Variants in VSIG10L2 observed in about 807,000 individuals in gnomAD.
The protein encoded by VSIG10L2 is V-set and immunoglobulin domain-containing protein 10-like 2.
In VSIG10L2, 56 loss-of-function variants were observed where a neutral mutation model predicts 67.1. The observed-to-expected ratio is 0.83, with a 90% CI of 0.67 to 1.04. The LOEUF is 1.04. Among genes scored for constraint, VSIG10L2 ranks in the 50% least tolerant of loss-of-function variants. The pLI is 0.00. For synonymous variants in VSIG10L2, 360 were observed against 396.6 expected (o/e 0.91, Z 1.10); for missense variants, 843 against 932.8 (o/e 0.90, Z 1.25).
chr11:125,950,025 A>C lies in VSIG10L2; in HGVS notation c.721A>C (p.Lys241Gln). Residue 241 changes from lysine (K) to glutamine (Q), a missense_variant, in exon 4 of 12, where the codon AAG becomes CAG. Around this residue, in one of 2 missense-constraint regions of VSIG10L2, gnomAD observed 446 missense variants for 548.4 expected, o/e 0.81. Transcript: ENST00000686984. Reference sequence around the variant, plus strand: ...TCCTTGCTCTCCAGATGGTCCTGACAAGCCTGTGATCACCATGGAGCCGCT... The same window carrying C: ...TCCTTGCTCTCCAGATGGTCCTGACCAGCCTGTGATCACCATGGAGCCGCT... ...AFLDVIYGPDKPVITMEPLGL... is the reference protein window; with the variant it reads ...AFLDVIYGPDQPVITMEPLGL... 8.1e-7 allele frequency: 1 copy of C among 1,232,336 alleles called. No homozygotes were observed. The highest frequency in any genetic ancestry group is 4.1e-5 in the South Asian group (1 of 24,308). 76.3% of individuals were successfully genotyped at this position (1,232,336 alleles called of 1,614,324 possible).
chr11:125,951,558 CCT>C (rs1299238749), intron 5 of VSIG10L2, among the ~76,000 whole-genome samples: 1 of 152,252 alleles, frequency 6.6e-6, no homozygotes, highest in Non-Finnish European at 1.5e-5. Context: ...GTCATCCTGT[CCT>C]CTTTCCGGAA....
At chr11:125,955,032 T>C (rs1353098712) in intron 8 of VSIG10L2, 25 bp from the exon 9 acceptor site, 22 of 1,233,508 alleles carry the variant, frequency 1.8e-5, no homozygotes, top group Non-Finnish European at 2.2e-5. Context: ...CTCTAAACCA[T>C]GGAACCTGTG....
rs542019925 is a variant in VSIG10L2, at chr11:125,953,692, T to C, written c.1786+2T>C. The C allele has an allele frequency of 2.4e-6, 3 of 1,231,704 alleles. No homozygotes were observed. In the South Asian group the frequency reaches 1.2e-4, roughly 51 times the overall value. The allele number at this position is 1,231,704 out of a possible 1,614,324, so 76.3% of individuals were successfully genotyped here. On this transcript the variant is annotated splice_donor_variant, in intron 7 of 11. Transcript: ENST00000686984. LOFTEE classifies it high-confidence loss of function. Reference sequence around the variant, plus strand: ...AGAGTGTGCTGCTGGAGGTCCTGAGTGAGTGAGGGGTTGAATGCGTGTGTG... The same window carrying C: ...AGAGTGTGCTGCTGGAGGTCCTGAGCGAGTGAGGGGTTGAATGCGTGTGTG...
At chr11:125,953,359 A>C in intron 6 of VSIG10L2, 41 bp from the exon 7 acceptor site, 1 of 1,231,496 alleles carries the variant, frequency 8.1e-7, no homozygotes. Context: ...CTTGTCCCCA[A>C]GCCCTCCCAC....
Position 125,955,968 on chromosome 11 carries a change from A to G in VSIG10L2, c.*54A>G. ...TAGGGAGGGCAGGTGGGATTTGGGA[A>G]GAGCCCTTCTGTCAGACTTTGGTCA... On this transcript the variant is annotated 3_prime_UTR_variant, in exon 12 of 12. Coordinates refer to ENST00000686984, the MANE Select transcript of VSIG10L2 (RefSeq NM_001365077.2). 1.6e-6 allele frequency: 1 copy of G among 638,862 alleles called. No homozygotes were observed. The highest frequency in any genetic ancestry group is 2.8e-6 in the Non-Finnish European group (1 of 356,456). 39.6% of individuals were successfully genotyped at this position (638,862 alleles called of 1,614,324 possible). A position where few individuals can be genotyped will look rare whatever the true frequency, so the allele number is the denominator to read the frequency against.
At chr11:125,954,932 A>G in intron 8 of VSIG10L2, 125 bp from the exon 9 acceptor site, 1 of 1,012,290 alleles carries the variant, frequency 9.9e-7, no homozygotes, top group Non-Finnish European at 1.3e-6. Context: ...TCCCCATGTC[A>G]GCTGCAGGGG....
At position 125,953,432 on chromosome 11, in the gene VSIG10L2, G is replaced by A. The variant is rs564492084; in HGVS notation, c.1528G>A (p.Val510Met). Reference sequence around the variant, plus strand: ...ACAGCTGGACGTGGCTGAGCCCCGCGTGTCAGTGTTGGAGGGGGGAGAGGC... The same window carrying A: ...ACAGCTGGACGTGGCTGAGCCCCGCATGTCAGTGTTGGAGGGGGGAGAGGC... ...APQLDVAEPR[V>M]SVLEGGEAWL... Residue 510 changes from valine (V) to methionine (M), a missense_variant, in exon 7 of 12, where the codon GTG (valine) becomes ATG (methionine). Transcript: ENST00000686984. 6.3e-5 allele frequency: 78 copies of A among 1,232,410 alleles called. No individual in the cohort carries two copies. The highest frequency in any genetic ancestry group is 4.1e-4 in the South Asian group (10 of 24,326). 76.3% of individuals were successfully genotyped at this position (1,232,410 alleles called of 1,614,324 possible). A position where few individuals can be genotyped will look rare whatever the true frequency, so the allele number is the denominator to read the frequency against.
chr11:125,947,210 A>C (rs1476300311), intron 1 of VSIG10L2, among the ~76,000 whole-genome samples: 1 of 152,084 alleles, frequency 6.6e-6, no homozygotes, highest in Non-Finnish European at 1.5e-5. Flanking sequence ...GAATCCTTAC[A>C]CAGGAACTCC....
rs1441957159 is a variant in VSIG10L2, at chr11:125,951,669, T to C, written c.1235-144T>C. 5 of 807,798 alleles carry C rather than the reference T, an allele frequency of 6.2e-6. No homozygotes were observed. The African/African-American group carries it at 8.7e-5, about 14-fold the overall frequency. 50.0% of individuals were successfully genotyped at this position (807,798 alleles called of 1,614,324 possible). A position where few individuals can be genotyped will look rare whatever the true frequency, so the allele number is the denominator to read the frequency against. On this transcript the variant is annotated intron_variant, in intron 5 of 11. Coordinates refer to ENST00000686984, the MANE Select transcript of VSIG10L2 (RefSeq NM_001365077.2). The stretch of plus-strand genomic sequence containing the variant: ...CACCATTTCCCTGGCACATGATCAA[T>C]AAATGATGAGTGTGTGAATGAGTGA...
intron 5 of VSIG10L2, among the ~76,000 whole-genome samples, chr11:125,951,446 T>C (rs540649053): frequency 1.9e-3 from 291 of 152,346 alleles, no homozygotes; most frequent in Non-Finnish European, 3.6e-3. Context: ...ACTGCACTTC[T>C]ACCGCTCTGA....
At chr11:125,951,301 G>A (rs1472319278) in intron 5 of VSIG10L2, 143 bp downstream of exon 5, 21 of 739,916 alleles carry the variant, frequency 2.8e-5, no homozygotes, top group Middle Eastern at 8.8e-4. Flanking sequence ...GGAGGTGGGC[G>A]GCACTCAGCT....
In VSIG10L2 at chr11:125,952,023, G is replaced by C; in HGVS notation, c.1445G>C (p.Arg482Pro). The change falls in exon 6 of 12, where the codon CGG becomes CCG. Residue 482 changes from arginine to proline, a missense_variant. Arg to Pro is a moderately radical substitution (Grantham distance 103, BLOSUM62 -2). This residue lies in a region of VSIG10L2 where 397 missense variants were observed against 384.4 expected (regional missense o/e 1.03). Coordinates refer to ENST00000686984, the MANE Select transcript of VSIG10L2 (RefSeq NM_001365077.2). ...EDLAGREFTC[R>P]GTHLLRTPDP... ...CTGGCTGGCAGAGAGTTCACCTGCC[G>C]GGGCACTCACCTGCTCAGGACCCCT... is the stretch of plus-strand genomic sequence containing the variant. 6.5e-7 allele frequency: 1 copy of C among 1,536,050 alleles called. No homozygotes were observed. Among genetic ancestry groups the C allele is most frequent in the Non-Finnish European group, 8.7e-7 (1 of 1,146,834 alleles).
chr11:125,953,506 C>T lies in VSIG10L2; in HGVS notation c.1602C>T (p.Leu534=), dbSNP rs1591531095. ...GGGGCACACCACCTGCCCAGCTCCT[C>T]TGGCTGGGGCCTCAACAACAAAAAG... ...LRGGTPPAQL[L]WLGPQQQKVD... is the part of the protein sequence containing the mutation. The change falls in exon 7 of 12, where the codon CTC becomes CTT. Residue 534 remains leucine (L), a synonymous_variant. Coordinates refer to ENST00000686984, the MANE Select transcript of VSIG10L2 (RefSeq NM_001365077.2). 8.1e-7 allele frequency: 1 copy of T among 1,232,174 alleles called. No individual in the cohort carries two copies. The highest frequency in any genetic ancestry group is 4.2e-5 in the Admixed American group (1 of 23,704). The allele number at this position is 1,232,174 out of a possible 1,614,324, so 76.3% of individuals were successfully genotyped here.
chr11:125,954,301 G>A lies in VSIG10L2; in HGVS notation c.2001G>A (p.Leu667=). Residue 667 remains leucine, a synonymous_variant, in exon 8 of 12, where the codon TTG becomes TTA. Transcript: ENST00000686984. ...PESRGRRLGG[L]DPGVLYAFRI... ...GCCGAGGACGGCGGCTGGGGGGCTTGGACCCCGGGGTCCTTTATGCCTTCC... is the reference window on the plus strand; with the variant it reads ...GCCGAGGACGGCGGCTGGGGGGCTTAGACCCCGGGGTCCTTTATGCCTTCC... 1 of 1,232,218 alleles carries A rather than the reference G, an allele frequency of 8.1e-7. No individual in the cohort carries two copies. Among genetic ancestry groups the A allele is most frequent in the Non-Finnish European group, 1.0e-6 (1 of 988,056 alleles). 76.3% of individuals were successfully genotyped at this position (1,232,218 alleles called of 1,614,324 possible).
rs1283762172 is a variant in VSIG10L2 at position 125,955,643 on chromosome 11, A to G, written c.2260A>G (p.Arg754Gly). The G allele has an allele frequency of 6.5e-7, 1 of 1,532,252 alleles. No individual in the cohort carries two copies. Among genetic ancestry groups the G allele is most frequent in the Admixed American group, 2.0e-5 (1 of 50,890 alleles). 94.9% of individuals were successfully genotyped at this position (1,532,252 alleles called of 1,614,324 possible). ...GCAAAGGCACCAACAGAGGGGTTCC[A>G]GAGAAGATGCTGAGGCACCGGCAGG... ...TEQRHQQRGS[R>G]EDAEAPAGLE... is the part of the protein sequence containing the mutation. The change falls in exon 11 of 12, where the codon AGA (arginine) becomes GGA (glycine). Residue 754 changes from arginine (R) to glycine (G), a missense_variant. Around this residue, in one of 2 missense-constraint regions of VSIG10L2, gnomAD observed 397 missense variants for 384.4 expected, o/e 1.03. Coordinates refer to ENST00000686984, the MANE Select transcript of VSIG10L2 (RefSeq NM_001365077.2).
Position 125,953,643 on chromosome 11 carries a change from G to A in VSIG10L2, c.1739G>A (p.Arg580His), listed in dbSNP as rs556457078. ...AGGGGCACCTACCAATGCGTGGCCC[G>A]CAACGCCGTGGGCAATAGCAGTCAG... ...HHRGTYQCVA[R>H]NAVGNSSQSV... is the part of the protein sequence containing the mutation. Residue 580 changes from arginine to histidine, a missense_variant, in exon 7 of 12, where the codon CGC becomes CAC. Physicochemically the swap from Arg to His is conservative, Grantham distance 29 (BLOSUM62 0). Transcript: ENST00000686984. 3.5e-5 allele frequency: 43 copies of A among 1,232,154 alleles called. No individual in the cohort carries two copies. The highest frequency in any genetic ancestry group is 3.1e-4 in the Middle Eastern group (1 of 3,234). 76.3% of individuals were successfully genotyped at this position (1,232,154 alleles called of 1,614,324 possible).
chr11:125,947,623 G>T, intron 1 of VSIG10L2, 63 bp from the exon 2 acceptor site: 1 of 1,232,018 alleles, frequency 8.1e-7, no homozygotes, highest in Admixed American at 4.2e-5. Flanking sequence ...CTCCAGGCAA[G>T]GCAGGGAGTG....
chr11:125,949,995 G>A lies in VSIG10L2; in HGVS notation c.710-19G>A. On this transcript the variant is annotated intron_variant, in intron 3 of 11. Coordinates refer to ENST00000686984, the MANE Select transcript of VSIG10L2 (RefSeq NM_001365077.2). ...GGAATGAAGCTGGGGAGGTGTAACT[G>A]GCCTTCCTTGCTCTCCAGATGGTCC... The A allele has an allele frequency of 4.1e-6, 5 of 1,232,458 alleles. No homozygotes were observed. Among genetic ancestry groups the A allele is most frequent in the Non-Finnish European group, 5.1e-6 (5 of 988,228 alleles). The allele number at this position is 1,232,458 out of a possible 1,614,324, so 76.3% of individuals were successfully genotyped here.
intron 3 of VSIG10L2, among the ~76,000 whole-genome samples, chr11:125,948,811 C>T (rs958236679): frequency 6.6e-6 from 1 of 152,392 alleles, no homozygotes; most frequent in Non-Finnish European, 1.5e-5. Context: ...TCCAGGAAAA[C>T]GTGCATACAT....
Sources: gnomAD v4.1 joint callset for allele counts (sites outside exome capture counted in the v4.1 genomes callset) on GRCh38, gnomAD v4.1.1 for gene constraint, gnomAD v4.1.1 regional missense constraint, MANE v1.5 for transcripts, NCBI Gene and HGNC (gene_info 2026-07-23, HGNC 2026-07-21) for gene names.